The following CES5A variants were observed in gnomAD, a reference collection of about 807,000 sequenced individuals.
The protein encoded by CES5A is carboxylesterase 5.
CES5A carries 67 observed loss-of-function variants against 62.9 expected under a neutral mutation model. The ratio of observed to expected loss-of-function variants is 1.07; its 90% CI spans 0.88 to 1.31. The LOEUF (loss-of-function observed/expected upper bound fraction) is 1.31, where lower values mean the gene tolerates loss of function less well. Ranked by LOEUF, CES5A falls within the 50% of genes most tolerant of loss-of-function variation. The pLI is 0.00. For missense variants in CES5A, 748 were observed against 708.5 expected (o/e 1.06, Z -0.63); for synonymous variants, 296 against 280.8 (o/e 1.05, Z -0.54).
intron 1 of CES5A, among the ~76,000 whole-genome samples, chr16:55,902,937 A>T (rs2034005798): frequency 6.6e-6 from 1 of 152,188 alleles, no homozygotes; most frequent in Non-Finnish European, 1.5e-5. Flanking sequence ...AGGAGAGATC[A>T]GAAGAAAGAT....
rs1349998909 is a variant in CES5A at position 55,859,656 on chromosome 16, C to G, written c.947G>C (p.Gly316Ala). The part of the protein sequence containing the change: ...KTKSFTRVVD[G>A]AFFPNEPLDL... ...TAGAGGCTCATTAGGAAAGAAAGCA[C>G]CATCAACCACTCGAGTGAAAGACTT... Residue 316 changes from glycine (G) to alanine (A), a missense_variant, in exon 8 of 13, where the codon GGT becomes GCT. Physicochemically the swap from Gly to Ala is moderately conservative, Grantham distance 60. Transcript: ENST00000290567. 25 of 1,611,814 alleles carry G rather than the reference C, an allele frequency of 1.6e-5. No homozygotes were observed. Among genetic ancestry groups the G allele is most frequent in the Non-Finnish European group, 1.8e-5 (21 of 1,179,266 alleles).
rs1489024990 is a variant in CES5A, at chr16:55,949,042, C to A, written c.160+743G>T. On this transcript the variant is annotated intron_variant, in intron 2 of 13. Transcript: ENST00000521992. ...GCAGCTCCTTTCCCCAATCCCAGGG[C>A]AGGTTTAAAGGTTTCTGTAGCCAAA... 2.6e-5 allele frequency among the ~76,000 whole-genome samples: 4 copies of A among 152,148 alleles called. No homozygotes were observed. In the East Asian group the frequency reaches 7.7e-4, roughly 29 times the overall value.
intron 2 of CES5A, among the ~76,000 whole-genome samples, chr16:55,941,093 G>C (rs1371525113): frequency 2.6e-5 from 4 of 152,004 alleles, no homozygotes; most frequent in African/African-American, 9.7e-5. Context: ...TTGGGAGAAA[G>C]GCATGGATGA....
intron 1 of CES5A, among the ~76,000 whole-genome samples, chr16:55,892,518 G>A (rs1864190680): frequency 6.6e-6 from 1 of 152,076 alleles, no homozygotes; most frequent in African/African-American, 2.4e-5. Context: ...TGCAAGGTTT[G>A]TTTAATATTT....
chr16:55,866,220 G>A (rs2033458004), intron 4 of CES5A, 104 bp from the exon 5 acceptor site: 6 of 1,079,238 alleles, frequency 5.6e-6, no homozygotes, highest in Non-Finnish European at 7.8e-6. Context: ...AGTGGGGAGG[G>A]GGCGGAGAGT....
intron 1 of CES5A, among the ~76,000 whole-genome samples, chr16:55,912,881 G>T (rs188133733): frequency 6.6e-6 from 1 of 152,240 alleles, no homozygotes; most frequent in East Asian, 1.9e-4. Context: ...CAAGAACTGA[G>T]CCCCCAGGTG....
At chr16:55,899,309 G>A (rs910967785) in intron 1 of CES5A, among the ~76,000 whole-genome samples, 3 of 152,134 alleles carry the variant, frequency 2.0e-5, no homozygotes, top group African/African-American at 7.2e-5. Flanking sequence ...ATAATGGGAG[G>A]CTTCCTGGAT....
intron 1 of CES5A, among the ~76,000 whole-genome samples, chr16:55,904,366 G>C (rs922253845): frequency 6.6e-6 from 1 of 152,208 alleles, no homozygotes; most frequent in Non-Finnish European, 1.5e-5. Flanking sequence ...GATGGGGGCA[G>C]AACTGAACTT....
intron 1 of CES5A, among the ~76,000 whole-genome samples, chr16:55,914,244 G>A (rs993219387): frequency 6.6e-6 from 1 of 152,166 alleles, no homozygotes; most frequent in East Asian, 1.9e-4. Flanking sequence ...GGGGAAAATA[G>A]TATCTACTTA....
At chr16:55,928,768 G>T (rs892726336), upstream of CES5A, among the ~76,000 whole-genome samples, 1 of 152,148 alleles carries the variant, frequency 6.6e-6, no homozygotes, top group African/African-American at 2.4e-5. Flanking sequence ...AGATGTCTAT[G>T]GTGTTGGCTG....
intron 2 of CES5A, among the ~76,000 whole-genome samples, chr16:55,940,057 A>G (rs1215291849): frequency 2.0e-5 from 3 of 152,044 alleles, no homozygotes; most frequent in Non-Finnish European, 4.4e-5. Context: ...TTGGTTAAAA[A>G]AGAAAGAAAA....
chr16:55,878,800 A>T (rs1414689999), upstream of CES5A, among the ~76,000 whole-genome samples: 1 of 140,654 alleles, frequency 7.1e-6, no homozygotes, highest in African/African-American at 2.7e-5. Context: ...CCATCGCTGT[A>T]CCCTACCACT....
intron 2 of CES5A, among the ~76,000 whole-genome samples, chr16:55,935,963 CA>C (rs1301223672): frequency 6.6e-6 from 1 of 152,146 alleles, no homozygotes; most frequent in Non-Finnish European, 1.5e-5. Flanking sequence ...AGATGGCACA[CA>C]AAAGCTGAAA....
chr16:55,879,093 C>T (rs780557564), upstream of CES5A, among the ~76,000 whole-genome samples: 5 of 143,764 alleles, frequency 3.5e-5, no homozygotes, highest in Non-Finnish European at 3.1e-5. Flanking sequence ...ATTATCCCAT[C>T]GCTGTACCCT....
chr16:55,880,177 A>C (rs148354377), upstream of CES5A, among the ~76,000 whole-genome samples: 77 of 152,300 alleles, frequency 5.1e-4, no homozygotes, highest in East Asian at 0.012. Context: ...AGTGGACAGT[A>C]GTGTGCAGGC....
At chr16:55,864,070 C>T (rs1158047699) in intron 5 of CES5A, among the ~76,000 whole-genome samples, 3 of 152,104 alleles carry the variant, frequency 2.0e-5, no homozygotes, top group African/African-American at 7.2e-5. Flanking sequence ...TTCTAAGTAT[C>T]GGTTCACTCC....
intron 1 of CES5A, among the ~76,000 whole-genome samples, chr16:55,910,771 A>G (rs979318005): frequency 8.5e-5 from 13 of 152,110 alleles, no homozygotes; most frequent in African/African-American, 3.1e-4. Context: ...CTATGCCTAC[A>G]TCCCCTTGGT....
chr16:55,944,381 T>A (rs1435098049), intron 2 of CES5A: 2 of 385,420 alleles, frequency 5.2e-6, no homozygotes, highest in Non-Finnish European at 9.5e-6. Context: ...CTCTCATTTT[T>A]GGGGAGAGGG....
intron 1 of CES5A, among the ~76,000 whole-genome samples, chr16:55,917,713 T>A (rs1314242811): frequency 1.3e-5 from 2 of 152,200 alleles, no homozygotes; most frequent in Non-Finnish European, 2.9e-5. Context: ...CTCTGCCAAA[T>A]TCTGCTTGCT....
Sources: gnomAD v4.1 joint callset for allele counts (sites outside exome capture counted in the v4.1 genomes callset) on GRCh38, gnomAD v4.1.1 for gene constraint, MANE v1.5 for transcripts, NCBI Gene and HGNC (gene_info 2026-07-23, HGNC 2026-07-21) for gene names.